The following RAD51AP2 variants were observed in gnomAD, a reference collection of about 807,000 sequenced individuals.
The protein encoded by RAD51AP2 is RAD51-associated protein 2.
A neutral mutation model predicts 85.5 loss-of-function variants in RAD51AP2; 67 were observed. The observed-to-expected ratio is 0.78, with a 90% CI of 0.64 to 0.96. The LOEUF (loss-of-function observed/expected upper bound fraction) is 0.96. Ranked by LOEUF, RAD51AP2 falls within the 40% of genes least tolerant of loss-of-function variation. The probability of loss-of-function intolerance (pLI) is 0.00; values close to 1 mark genes in which losing one functional copy is unlikely to be tolerated. For missense variants in RAD51AP2, 1,307 were observed against 1,332.4 expected, an observed-to-expected ratio of 0.98 and a Z score of 0.30; for synonymous variants, 474 against 446.5, an observed-to-expected ratio of 1.06 and a Z score of -0.78.
chr2:17,519,007 G>C (rs1204860638), upstream of RAD51AP2, among the ~76,000 whole-genome samples: 4 of 151,832 alleles, frequency 2.6e-5, no homozygotes, highest in Non-Finnish European at 5.9e-5. Flanking sequence ...AAGTGTGTTT[G>C]GGGGAAAAAA....
At chr2:17,532,701 A>G in the RAD51AP2 span, among the ~76,000 whole-genome samples, 36 of 152,112 alleles carry the variant, frequency 2.4e-4, no homozygotes, top group Non-Finnish European at 2.8e-4. Context: ...AAAACAAAAA[A>G]CTAGATAGAT....
In RAD51AP2 at chr2:17,517,422, G is replaced by A; in HGVS notation, c.994C>T (p.Pro332Ser). ...CAAGTATTTTGGCTACTGAGTGATG[G>A]GTAGTCATTTTCATAACATTTGGAA... is the stretch of plus-strand genomic sequence containing the variant. Reference protein sequence around the residue: ...IFSKCYENDYPSLSSQNTCKR... With the variant: ...IFSKCYENDYSSLSSQNTCKR... Residue 332 changes from proline (P) to serine (S), a missense_variant, in exon 1 of 3, where the codon CCA (proline) becomes TCA (serine). Transcript: ENST00000399080. 1 of 1,613,456 alleles carries A rather than the reference G, an allele frequency of 6.2e-7. No homozygotes were observed. Among genetic ancestry groups the A allele is most frequent in the Non-Finnish European group, 8.5e-7 (1 of 1,179,840 alleles).
chr2:17,535,293 AAC>A, the RAD51AP2 span, among the ~76,000 whole-genome samples: 5 of 152,248 alleles, frequency 3.3e-5, no homozygotes, highest in African/African-American at 9.6e-5. Flanking sequence ...TACTGCAGGT[AAC>A]ACAGAACGGT....
chr2:17,531,823 TATTAAC>T, the RAD51AP2 span, among the ~76,000 whole-genome samples: 15 of 152,360 alleles, frequency 9.8e-5, no homozygotes, highest in Non-Finnish European at 1.9e-4. Flanking sequence ...AAATTAGCAC[TATTAAC>T]TTATTATCCA....
chr2:17,520,936 G>A (rs1359811402), upstream of RAD51AP2, among the ~76,000 whole-genome samples: 2 of 152,016 alleles, frequency 1.3e-5, no homozygotes, highest in East Asian at 3.8e-4. Flanking sequence ...CCTCCCTGCT[G>A]TAGCCAATCC....
the RAD51AP2 span, among the ~76,000 whole-genome samples, chr2:17,533,726 C>G: frequency 2.0e-5 from 3 of 152,112 alleles, no homozygotes; most frequent in African/African-American, 7.2e-5. Flanking sequence ...ATAACCTGGT[C>G]AACCTGGCCA....
chr2:17,529,242 T>C, the RAD51AP2 span, among the ~76,000 whole-genome samples: 3 of 151,596 alleles, frequency 2.0e-5, no homozygotes, highest in Non-Finnish European at 2.9e-5. Flanking sequence ...ATTCATAATT[T>C]GTCAACTAAT....
At chr2:17,524,588 T>A in the RAD51AP2 span, among the ~76,000 whole-genome samples, 1 of 151,976 alleles carries the variant, frequency 6.6e-6, no homozygotes, top group Admixed American at 6.6e-5. Context: ...TATTCATCCA[T>A]GTTCCCATAA....
At chr2:17,537,034 A>C in the RAD51AP2 span, among the ~76,000 whole-genome samples, 1 of 152,356 alleles carries the variant, frequency 6.6e-6, no homozygotes, top group Middle Eastern at 3.4e-3. Context: ...AAAAGTCAGA[A>C]TAGGACTGGA....
the RAD51AP2 span, among the ~76,000 whole-genome samples, chr2:17,524,387 G>C: frequency 7.2e-5 from 11 of 151,914 alleles, no homozygotes; most frequent in Non-Finnish European, 1.5e-4. Context: ...CAGTATAATA[G>C]GATAAGCGCT....
Position 17,517,804 on chromosome 2 carries a change from T to C in RAD51AP2, c.612A>G (p.Pro204=), listed in dbSNP as rs780870225. Residue 204 remains proline (P), a synonymous_variant, in exon 1 of 3, where the codon CCA becomes CCG. Transcript: ENST00000399080. ...TACATCTGTTCTTAATTTCATGAAA[T>C]GGTGATTTAGTTTCCTTGTAAAAGG... ...DVTFYKETKS[P]FHEIKNRCKA... is the part of the protein sequence containing the mutation. 1 of 1,614,184 alleles carries C rather than the reference T, an allele frequency of 6.2e-7. No homozygotes were observed. The highest frequency in any genetic ancestry group is 8.5e-7 in the Non-Finnish European group (1 of 1,179,978).
chr2:17,515,801 G>T lies in RAD51AP2; in HGVS notation c.2615C>A (p.Ser872Tyr). Reference sequence around the variant, plus strand: ...ACTTATTAATGAAACTGACTGTACAGAAAACATGTCATCCATTGGAAAAAA... The same window carrying T: ...ACTTATTAATGAAACTGACTGTACATAAAACATGTCATCCATTGGAAAAAA... ...DSFFPMDDMF[S>Y]VQSVSLISKE... The change falls in exon 1 of 3, where the codon TCT (serine) becomes TAT (tyrosine). Residue 872 changes from serine (S) to tyrosine (Y), a missense_variant. Around this residue, in one of 3 missense-constraint regions of RAD51AP2, gnomAD observed 668 missense variants for 671.0 expected, o/e 1.00. Transcript: ENST00000399080. 6.2e-7 allele frequency: 1 copy of T among 1,605,058 alleles called. No homozygotes were observed. The highest frequency in any genetic ancestry group is 1.1e-5 in the South Asian group (1 of 89,870).
At chr2:17,512,582 A>G (rs1662522739) in intron 2 of RAD51AP2, among the ~76,000 whole-genome samples, 1 of 152,218 alleles carries the variant, frequency 6.6e-6, no homozygotes, top group South Asian at 2.1e-4. Flanking sequence ...CACATACTTT[A>G]TCTTCCTCCT....
At position 17,515,713 on chromosome 2, in the gene RAD51AP2, T is replaced by C; in HGVS notation, c.2703A>G (p.Glu901=). ...CCCTTTCTGGCAAAATACTCTCATATTCATTTGTATTTGTTACATAATTTT... is the reference window on the plus strand; with the variant it reads ...CCCTTTCTGGCAAAATACTCTCATACTCATTTGTATTTGTTACATAATTTT... ...VNQNYVTNTN[E]YESILPEREI... is the part of the protein sequence containing the mutation. Residue 901 remains glutamate, a synonymous_variant, in exon 1 of 3, where the codon GAA becomes GAG. Coordinates refer to ENST00000399080, the MANE Select transcript of RAD51AP2 (RefSeq NM_001099218.3). 6.2e-7 allele frequency: 1 copy of C among 1,601,460 alleles called. No homozygotes were observed. Among genetic ancestry groups the C allele is most frequent in the Non-Finnish European group, 8.5e-7 (1 of 1,174,412 alleles).
At chr2:17,525,264 G>T in the RAD51AP2 span, among the ~76,000 whole-genome samples, 3 of 151,990 alleles carry the variant, frequency 2.0e-5, no homozygotes, top group Non-Finnish European at 1.5e-5. Context: ...AATGGGTTTG[G>T]TATATTCCAC....
chr2:17,516,928 T>G lies in RAD51AP2; in HGVS notation c.1488A>C (p.Thr496=). Residue 496 remains threonine (T), a synonymous_variant, in exon 1 of 3, where the codon ACA becomes ACC. Coordinates refer to ENST00000399080, the MANE Select transcript of RAD51AP2 (RefSeq NM_001099218.3). The stretch of plus-strand genomic sequence containing the variant: ...GGTTGTTCACATGAAAGACTTTTTG[T>G]GTAGTATTGTATCTCAACTGTAGAG... ...DNTLQLRYNT[T]QKVFHVNNPF... 2 of 1,598,002 alleles carry G rather than the reference T, an allele frequency of 1.3e-6. No homozygotes were observed. The highest frequency in any genetic ancestry group is 1.7e-6 in the Non-Finnish European group (2 of 1,174,314).
In RAD51AP2 at chr2:17,515,948, T is replaced by G. The variant is rs759463051; in HGVS notation, c.2468A>C (p.Glu823Ala). 1.2e-6 allele frequency: 2 copies of G among 1,606,410 alleles called. No homozygotes were observed. Among genetic ancestry groups the G allele is most frequent in the Admixed American group, 1.7e-5 (1 of 58,292 alleles). The change falls in exon 1 of 3, where the codon GAA becomes GCA. Residue 823 changes from glutamate (E) to alanine (A), a missense_variant. Glu to Ala is a moderately radical substitution (Grantham distance 107). Around this residue, in one of 3 missense-constraint regions of RAD51AP2, gnomAD observed 668 missense variants for 671.0 expected, o/e 1.00. Coordinates refer to ENST00000399080, the MANE Select transcript of RAD51AP2 (RefSeq NM_001099218.3). ...TAAGTCATATTTTTTTTCTTCTATTTCACTTAGCAAGTTCCAAAAATTTAG... is the reference window on the plus strand; with the variant it reads ...TAAGTCATATTTTTTTTCTTCTATTGCACTTAGCAAGTTCCAAAAATTTAG... Reference protein sequence around the residue: ...QVLNFWNLLSEIEEKKYDLIL... With the variant: ...QVLNFWNLLSAIEEKKYDLIL...
upstream of RAD51AP2, among the ~76,000 whole-genome samples, chr2:17,521,774 A>G (rs897681518): frequency 8.2e-4 from 125 of 152,016 alleles, 2 homozygotes; most frequent in Non-Finnish European, 2.9e-5. Context: ...GCTTTAAACT[A>G]TAAACCACCT....
the RAD51AP2 span, among the ~76,000 whole-genome samples, chr2:17,537,356 T>C: frequency 2.6e-5 from 4 of 152,120 alleles, no homozygotes; most frequent in African/African-American, 7.2e-5. Flanking sequence ...TTACGTAATA[T>C]AATTATCTTA....
Sources: gnomAD v4.1 joint callset for allele counts (sites outside exome capture counted in the v4.1 genomes callset) on GRCh38, gnomAD v4.1.1 for gene constraint, gnomAD v4.1.1 regional missense constraint, MANE v1.5 for transcripts, NCBI Gene and HGNC (gene_info 2026-07-23, HGNC 2026-07-21) for gene names.